The following HIPK2 variants were observed in gnomAD, a reference collection of about 807,000 sequenced individuals.
HIPK2 encodes the protein homeodomain interacting protein kinase 2.
A neutral mutation model predicts 113.7 loss-of-function variants in HIPK2; 27 were observed. The observed-to-expected ratio is 0.24, with a 90% CI of 0.17 to 0.33. The LOEUF is 0.33. Among genes scored for constraint, HIPK2 ranks in the 10% least tolerant of loss-of-function variants. The pLI, the probability that HIPK2 is intolerant of heterozygous loss-of-function variation, is 1.00. For synonymous variants in HIPK2, 631 were observed against 642.2 expected (o/e 0.98, Z 0.26); for missense variants, 1,257 against 1,588.0 (o/e 0.79, Z 3.54).
At chr7:139,768,330 A>G (rs138642515) in intron 1 of HIPK2, among the ~76,000 whole-genome samples, 29 of 152,324 alleles carry the variant, frequency 1.9e-4, no homozygotes, top group African/African-American at 6.5e-4. Context: ...CCAGACAGAG[A>G]CTACAACAGG....
At chr7:139,772,752 ATTT>A (rs5887935) in intron 1 of HIPK2, among the ~76,000 whole-genome samples, 1 of 137,912 alleles carries the variant, frequency 7.3e-6, no homozygotes, top group Non-Finnish European at 1.6e-5. Context: ...ACGCCCAGCT[ATTT>A]TTTTTTTTTT....
chr7:139,614,469 T>C lies in HIPK2; in HGVS notation c.1807A>G (p.Ile603Val). The change falls in exon 8 of 15, where the codon ATT (isoleucine) becomes GTT (valine). Residue 603 changes from isoleucine to valine, a missense_variant. Physicochemically the swap from Ile to Val is conservative, Grantham distance 29. This residue lies in a region of HIPK2 where 862 missense variants were observed against 1,004.3 expected (regional missense o/e 0.86). Transcript: ENST00000406875. Reference protein sequence around the residue: ...NQAPSSTSATISLANPEVSIL... With the variant: ...NQAPSSTSATVSLANPEVSIL... The stretch of plus-strand genomic sequence containing the variant: ...GAGACTTCGGGATTGGCTAAGGAAA[T>C]AGTGGCACTGGTAGAGGAGGGAGCC... 6.9e-7 allele frequency: 1 copy of C among 1,451,134 alleles called. No individual in the cohort carries two copies. The allele number at this position is 1,451,134 out of a possible 1,614,324, so 89.9% of individuals were successfully genotyped here. A position where few individuals can be genotyped will look rare whatever the true frequency, so the allele number is the denominator to read the frequency against.
At position 139,614,492 on chromosome 7, in the gene HIPK2, G is replaced by T. The variant is rs748145285; in HGVS notation, c.1784C>A (p.Ala595Asp). 2.3e-5 allele frequency: 31 copies of T among 1,352,766 alleles called. No homozygotes were observed. Among genetic ancestry groups the T allele is most frequent in the Admixed American group, 2.8e-5 (1 of 35,452 alleles). The allele number at this position is 1,352,766 out of a possible 1,614,324, so 83.8% of individuals were successfully genotyped here. Reference sequence around the variant, plus strand: ...AATAGTGGCACTGGTAGAGGAGGGAGCCTAAAGGAGTGATGGGGATTAAAC... The same window carrying T: ...AATAGTGGCACTGGTAGAGGAGGGATCCTAAAGGAGTGATGGGGATTAAAC... ...NNQLTTVHNQ[A>D]PSSTSATISL... The change falls in exon 8 of 15, where the codon GCT becomes GAT. Residue 595 changes from alanine (A) to aspartate (D), a missense_variant and splice_region_variant. Ala to Asp is a moderately radical substitution (Grantham distance 126). This residue lies in a region of HIPK2 where 862 missense variants were observed against 1,004.3 expected (regional missense o/e 0.86). Transcript: ENST00000406875.
At chr7:139,760,480 T>C (rs902035342) in intron 1 of HIPK2, among the ~76,000 whole-genome samples, 1 of 152,188 alleles carries the variant, frequency 6.6e-6, no homozygotes, top group African/African-American at 2.4e-5. Context: ...GAACACAGTA[T>C]TTTTAATACA....
At chr7:139,642,987 C>T (rs1388089499) in intron 2 of HIPK2, among the ~76,000 whole-genome samples, 1 of 152,206 alleles carries the variant, frequency 6.6e-6, no homozygotes, top group Non-Finnish European at 1.5e-5. Flanking sequence ...GACACCCAAA[C>T]TTCTGGGTGG....
chr7:139,738,027 C>A (rs1200014446), intron 1 of HIPK2, among the ~76,000 whole-genome samples: 1 of 152,164 alleles, frequency 6.6e-6, no homozygotes, highest in Non-Finnish European at 1.5e-5. Flanking sequence ...AGAAAGGATT[C>A]GAGTTTATGG....
At chr7:139,774,159 G>A (rs1013952796) in intron 1 of HIPK2, among the ~76,000 whole-genome samples, 10 of 152,152 alleles carry the variant, frequency 6.6e-5, no homozygotes, top group Admixed American at 6.5e-5. Context: ...ATTGGTTTTC[G>A]AAACTATTTG....
At chr7:139,635,175 T>C (rs531778843) in intron 2 of HIPK2, among the ~76,000 whole-genome samples, 1 of 152,126 alleles carries the variant, frequency 6.6e-6, no homozygotes, top group Non-Finnish European at 1.5e-5. Context: ...CTCACCTCTG[T>C]CCCCCGATTC....
intron 2 of HIPK2, among the ~76,000 whole-genome samples, chr7:139,682,605 G>A (rs1794078778): frequency 6.6e-6 from 1 of 152,156 alleles, no homozygotes; most frequent in South Asian, 2.1e-4. Context: ...CAGGAACACT[G>A]TTTTACTCAT....
intron 2 of HIPK2, among the ~76,000 whole-genome samples, chr7:139,693,022 G>A (rs534286339): frequency 1.3e-4 from 20 of 152,318 alleles, no homozygotes; most frequent in Admixed American, 1.2e-3. Flanking sequence ...GCCACTGCAG[G>A]AAGGGGCTGG....
intron 1 of HIPK2, among the ~76,000 whole-genome samples, chr7:139,764,111 G>A (rs1796515201): frequency 1.3e-5 from 2 of 152,168 alleles, no homozygotes. Flanking sequence ...TGAGTTTGAT[G>A]TTAATCAAAA....
At chr7:139,711,160 G>A (rs1795054547) in intron 2 of HIPK2, among the ~76,000 whole-genome samples, 1 of 151,914 alleles carries the variant, frequency 6.6e-6, no homozygotes, top group Non-Finnish European at 1.5e-5. Flanking sequence ...GGGCGTGGTG[G>A]CTCACGCCTG....
At chr7:139,605,262 G>A (rs1204599508) in intron 9 of HIPK2, among the ~76,000 whole-genome samples, 1 of 151,664 alleles carries the variant, frequency 6.6e-6, no homozygotes, top group Non-Finnish European at 1.5e-5. Context: ...GTGTGTGTGT[G>A]TATGTTGTGT....
At chr7:139,598,852 A>C (rs1057060366) in intron 11 of HIPK2, among the ~76,000 whole-genome samples, 2 of 152,230 alleles carry the variant, frequency 1.3e-5, no homozygotes, top group Non-Finnish European at 2.9e-5. Flanking sequence ...GAGACAGTGG[A>C]CTTTGTTGCC....
At chr7:139,748,796 T>C (rs961333640) in intron 1 of HIPK2, among the ~76,000 whole-genome samples, 27 of 152,130 alleles carry the variant, frequency 1.8e-4, no homozygotes, top group Admixed American at 1.2e-3. Context: ...ACAAAATTCA[T>C]CCCCTGACAG....
chr7:139,605,448 G>C (rs1799588517), intron 9 of HIPK2, among the ~76,000 whole-genome samples: 1 of 152,140 alleles, frequency 6.6e-6, no homozygotes, highest in Admixed American at 6.5e-5. Context: ...CTTTCTATCA[G>C]AGTGGATGTG....
At chr7:139,699,402 T>C (rs1039914270) in intron 2 of HIPK2, among the ~76,000 whole-genome samples, 33 of 152,184 alleles carry the variant, frequency 2.2e-4, no homozygotes, top group African/African-American at 6.5e-4. Context: ...AGGAGGATAA[T>C]GTGAATATGT....
intron 6 of HIPK2, among the ~76,000 whole-genome samples, chr7:139,622,666 G>A (rs1418721623): frequency 5.9e-5 from 9 of 152,162 alleles, no homozygotes; most frequent in Admixed American, 5.9e-4. Flanking sequence ...TCCCAGGGCA[G>A]GGGCGCTACA....
chr7:139,730,606 C>T (rs556854887), intron 1 of HIPK2, among the ~76,000 whole-genome samples: 2 of 152,282 alleles, frequency 1.3e-5, no homozygotes, highest in African/African-American at 2.4e-5. Context: ...GGTGATCCAC[C>T]TGCCTTGGCT....
Sources: gnomAD v4.1 joint callset for allele counts (sites outside exome capture counted in the v4.1 genomes callset) on GRCh38, gnomAD v4.1.1 for gene constraint, gnomAD v4.1.1 regional missense constraint, MANE v1.5 for transcripts, NCBI Gene and HGNC (gene_info 2026-07-23, HGNC 2026-07-21) for gene names.